Variants in DNER observed in about 807,000 individuals in gnomAD.
The protein encoded by DNER is delta/notch like EGF repeat containing.
In DNER, 33 loss-of-function variants were observed where a neutral mutation model predicts 78.2. The ratio of observed to expected loss-of-function variants is 0.42; its 90% CI spans 0.32 to 0.56. The LOEUF (loss-of-function observed/expected upper bound fraction) is 0.56, where lower values mean the gene tolerates loss of function less well. Among genes scored for constraint, DNER ranks in the 20% least tolerant of loss-of-function variants. DNER has a pLI of 0.11. For missense variants in DNER, 918 were observed against 975.3 expected (o/e 0.94, Z 0.78); for synonymous variants, 417 against 384.8 (o/e 1.08, Z -0.98).
chr2:229,559,059 A>T (rs1317062121), intron 4 of DNER, among the ~76,000 whole-genome samples: 1 of 152,190 alleles, frequency 6.6e-6, no homozygotes, highest in African/African-American at 2.4e-5. Context: ...GGTATGAGGG[A>T]AGGGAAGAAA....
At chr2:229,702,087 C>A in intron 1 of DNER, 1 of 171,822 alleles carries the variant, frequency 5.8e-6, no homozygotes. Flanking sequence ...CCATGGAACC[C>A]AGGAAAAACT....
intron 1 of DNER, among the ~76,000 whole-genome samples, chr2:229,640,339 G>C (rs776155172): frequency 6.6e-6 from 1 of 152,170 alleles, no homozygotes; most frequent in Non-Finnish European, 1.5e-5. Context: ...TTTGTTGAAA[G>C]GATTAGTATA....
At chr2:229,470,233 G>A (rs751619549) in intron 7 of DNER, among the ~76,000 whole-genome samples, 4 of 151,976 alleles carry the variant, frequency 2.6e-5, no homozygotes, top group African/African-American at 4.8e-5. Flanking sequence ...CTCTTTTTTA[G>A]AAGAAAACCA....
intron 1 of DNER, among the ~76,000 whole-genome samples, chr2:229,652,551 G>C (rs1482083807): frequency 1.3e-5 from 2 of 152,186 alleles, no homozygotes; most frequent in African/African-American, 4.8e-5. Context: ...AGCAGTAACT[G>C]TTATAAAATG....
chr2:229,568,151 C>T (rs954056493), intron 4 of DNER, among the ~76,000 whole-genome samples: 1 of 152,180 alleles, frequency 6.6e-6, no homozygotes, highest in Non-Finnish European at 1.5e-5. Flanking sequence ...TTTCTAGTTT[C>T]CATTTCTTTT....
intron 4 of DNER, among the ~76,000 whole-genome samples, chr2:229,563,573 C>T (rs1294463975): frequency 6.7e-6 from 1 of 148,186 alleles, no homozygotes; most frequent in Non-Finnish European, 1.5e-5. Flanking sequence ...ATCCTCACCC[C>T]ATTGCCATCA....
intron 7 of DNER, among the ~76,000 whole-genome samples, chr2:229,467,754 T>G (rs1694834226): frequency 1.3e-5 from 2 of 152,330 alleles, no homozygotes; most frequent in South Asian, 2.1e-4. Context: ...TGATATAATA[T>G]GAATGTTTTG....
At chr2:229,507,842 A>C (rs1183278440) in intron 6 of DNER, among the ~76,000 whole-genome samples, 1 of 152,238 alleles carries the variant, frequency 6.6e-6, no homozygotes. Context: ...ATGCAGGGAA[A>C]CATTTTCTTA....
intron 4 of DNER, among the ~76,000 whole-genome samples, chr2:229,581,093 G>A (rs1697388367): frequency 6.6e-6 from 1 of 152,058 alleles, no homozygotes; most frequent in Non-Finnish European, 1.5e-5. Flanking sequence ...GGCAACATGG[G>A]GAAAATCCTT....
At chr2:229,657,340 A>G (rs1698929828) in intron 1 of DNER, among the ~76,000 whole-genome samples, 1 of 152,162 alleles carries the variant, frequency 6.6e-6, no homozygotes. Flanking sequence ...GTGGTTGAAA[A>G]ATATTCCAAT....
chr2:229,591,740 G>A lies in DNER; in HGVS notation c.425C>T (p.Thr142Ile), dbSNP rs147533391. The A allele has an allele frequency of 1.8e-3, 2,863 of 1,614,210 alleles. 52 individuals are homozygous for A. In the African/African-American group the frequency reaches 0.033, roughly 19 times the overall value. Residue 142 changes from threonine to isoleucine, a missense_variant, in exon 2 of 13, where the codon ACT becomes ATT. Transcript: ENST00000341772. The surrounding 1 kb of genome is among the most constrained non-coding windows in gnomAD (Gnocchi z 4.6). ...CEQALPSLPA[T>I]GWTESMAPRQ... is the part of the protein sequence containing the mutation. ...GGGTGCCATGGATTCGGTCCAGCCA[G>A]TGGCTGGGAGACTGGGAAGTGCCTG... is the stretch of plus-strand genomic sequence containing the variant.
chr2:229,510,106 G>T (rs968717676), intron 6 of DNER, among the ~76,000 whole-genome samples: 7 of 151,318 alleles, frequency 4.6e-5, no homozygotes, highest in African/African-American at 9.7e-5. Flanking sequence ...TCCTGTGGCA[G>T]ATGAGAGATC....
chr2:229,498,635 A>T (rs1415302295), intron 6 of DNER, among the ~76,000 whole-genome samples: 3 of 152,230 alleles, frequency 2.0e-5, no homozygotes, highest in African/African-American at 7.2e-5. Flanking sequence ...ACCTACCTAA[A>T]AAATAAATGA....
chr2:229,404,269 AGAGG>A (rs1289708122), intron 10 of DNER, among the ~76,000 whole-genome samples: 1 of 152,222 alleles, frequency 6.6e-6, no homozygotes, highest in African/African-American at 2.4e-5. Flanking sequence ...TAGAAAGGAA[AGAGG>A]TTTAACTGAC....
At chr2:229,431,793 AAAAAAAAAG>A (rs1008008281) in intron 8 of DNER, among the ~76,000 whole-genome samples, 8 of 135,020 alleles carry the variant, frequency 5.9e-5, no homozygotes, top group African/African-American at 2.7e-4. Context: ...AATAATAATT[AAAAAAAAAG>A]AAAAAAAAGA....
intron 1 of DNER, 93 bp downstream of exon 1, chr2:229,714,055 G>A: frequency 1.8e-6 from 2 of 1,142,222 alleles, no homozygotes; most frequent in Non-Finnish European, 2.2e-6. Context: ...TGTGTCAGGC[G>A]TGCCCATTGT....
chr2:229,471,634 G>A (rs559634660), intron 7 of DNER, among the ~76,000 whole-genome samples: 1 of 152,254 alleles, frequency 6.6e-6, no homozygotes, highest in South Asian at 2.1e-4. Context: ...AACTAAGGGT[G>A]GAAGAGATAA....
intron 11 of DNER, 121 bp from the exon 12 acceptor site, chr2:229,367,240 T>A (rs993574120): frequency 6.6e-6 from 9 of 1,365,912 alleles, no homozygotes; most frequent in Non-Finnish European, 8.9e-6. Flanking sequence ...GGAAGGCTTA[T>A]TTTCTACGGA....
chr2:229,515,323 A>G (rs1281026561), intron 5 of DNER, among the ~76,000 whole-genome samples: 1 of 152,234 alleles, frequency 6.6e-6, no homozygotes, highest in African/African-American at 2.4e-5. Context: ...TATGTGCATG[A>G]GTCCTGTTTG....
Sources: allele counts gnomAD v4.1 joint callset (sites outside exome capture counted in the v4.1 genomes callset), GRCh38; gene constraint gnomAD v4.1.1; non-coding constraint Gnocchi (gnomAD v3.1); transcripts MANE v1.5; gene names NCBI Gene and HGNC (gene_info 2026-07-23, HGNC 2026-07-21).